RCAN2: variants seen among roughly 807,000 people sequenced by gnomAD.
RCAN2 encodes the protein regulator of calcineurin 2.
RCAN2 carries 9 observed loss-of-function variants against 23.6 expected under a neutral mutation model. The ratio of observed to expected loss-of-function variants is 0.38; its 90% CI spans 0.23 to 0.67. RCAN2 has a LOEUF of 0.67. Among genes scored for constraint, RCAN2 ranks in the 30% least tolerant of loss-of-function variants. The pLI is 0.51. For missense variants in RCAN2, 273 were observed against 302.3 expected, an observed-to-expected ratio of 0.90 and a Z score of 0.72; for synonymous variants, 109 against 115.7, an observed-to-expected ratio of 0.94 and a Z score of 0.37.
chr6:46,267,578 G>A (rs1767380464), intron 2 of RCAN2, among the ~76,000 whole-genome samples: 1 of 152,122 alleles, frequency 6.6e-6, no homozygotes, highest in African/African-American at 2.4e-5. Flanking sequence ...CCAACTACTT[G>A]GGAGCCTGAG....
chr6:46,248,922 A>G, intron 2 of RCAN2, 26 bp from the exon 3 acceptor site: 1 of 1,575,372 alleles, frequency 6.3e-7, no homozygotes, highest in East Asian at 2.3e-5. Flanking sequence ...ACAGAGGAAA[A>G]TCCATTGGCC....
chr6:46,284,053 C>T (rs1049482712), intron 2 of RCAN2, among the ~76,000 whole-genome samples: 5 of 151,824 alleles, frequency 3.3e-5, no homozygotes, highest in South Asian at 2.1e-4. Flanking sequence ...ATTATATTCT[C>T]GTAAATTTGG....
chr6:46,485,376 T>A (rs1301172051), intron 1 of RCAN2, among the ~76,000 whole-genome samples: 1 of 152,310 alleles, frequency 6.6e-6, no homozygotes, highest in Non-Finnish European at 1.5e-5. Flanking sequence ...TATAAAAATA[T>A]GCATATAAAA....
intron 1 of RCAN2, among the ~76,000 whole-genome samples, chr6:46,484,328 T>A (rs867178087): frequency 2.0e-5 from 3 of 152,198 alleles, no homozygotes; most frequent in Non-Finnish European, 2.9e-5. Context: ...TTAAGAAGAT[T>A]CCAACGGTTA....
chr6:46,240,637 T>G (rs1582019267), intron 4 of RCAN2, among the ~76,000 whole-genome samples: 1 of 152,186 alleles, frequency 6.6e-6, no homozygotes, highest in Non-Finnish European at 1.5e-5. Flanking sequence ...AATTGCTGAA[T>G]GAGAATCGAG....
At chr6:46,298,141 T>C (rs1762778671) in intron 2 of RCAN2, among the ~76,000 whole-genome samples, 1 of 152,136 alleles carries the variant, frequency 6.6e-6, no homozygotes, top group African/African-American at 2.4e-5. Flanking sequence ...AATACTGTGG[T>C]TTCTAAAATG....
intron 2 of RCAN2, among the ~76,000 whole-genome samples, chr6:46,384,446 T>C (rs1188429129): frequency 6.6e-6 from 1 of 152,246 alleles, no homozygotes; most frequent in African/African-American, 2.4e-5. Context: ...GGTGTTCATA[T>C]TCCTGCATCT....
intron 2 of RCAN2, among the ~76,000 whole-genome samples, chr6:46,343,288 T>A (rs1582124914): frequency 6.6e-6 from 1 of 152,144 alleles, no homozygotes; most frequent in Non-Finnish European, 1.5e-5. Context: ...ATTTCTATAT[T>A]CAGCAAAAGA....
At chr6:46,432,830 T>C (rs1241493706) in intron 2 of RCAN2, among the ~76,000 whole-genome samples, 1 of 152,290 alleles carries the variant, frequency 6.6e-6, no homozygotes, top group Middle Eastern at 3.4e-3. Flanking sequence ...CGTGGCACAA[T>C]GGTAGTACAT....
chr6:46,484,926 AG>A lies in RCAN2; in HGVS notation c.-3+6246del, dbSNP rs1256039166. Reference sequence around the variant, plus strand: ...TCAAGCCCTTATCTTCACCAAAAAGAGTGCTTACAAGAAGGACAGAGGTGAC... The same window carrying A: ...TCAAGCCCTTATCTTCACCAAAAAGATGCTTACAAGAAGGACAGAGGTGAC... On this transcript the variant is annotated intron_variant, in intron 1 of 4. Coordinates refer to ENST00000371374, the MANE Select transcript of RCAN2 (RefSeq NM_001251974.2). Among the ~76,000 whole-genome samples, 7 of 152,204 alleles carry A rather than the reference AG, an allele frequency of 4.6e-5. No homozygotes were observed. The East Asian group carries it at 9.6e-4, about 21-fold the overall frequency.
intron 2 of RCAN2, among the ~76,000 whole-genome samples, chr6:46,342,965 G>C (rs1234969211): frequency 1.3e-5 from 2 of 152,076 alleles, no homozygotes; most frequent in Non-Finnish European, 2.9e-5. Flanking sequence ...CTTAAAAGCA[G>C]AAGAGAGAGA....
At chr6:46,365,012 G>T (rs974549518) in intron 2 of RCAN2, among the ~76,000 whole-genome samples, 3 of 152,100 alleles carry the variant, frequency 2.0e-5, no homozygotes, top group African/African-American at 7.2e-5. Flanking sequence ...TCACCTTCAT[G>T]AAGACTTCCC....
intron 2 of RCAN2, among the ~76,000 whole-genome samples, chr6:46,343,253 G>A (rs934302753): frequency 1.3e-5 from 2 of 151,436 alleles, no homozygotes; most frequent in East Asian, 3.9e-4. Context: ...TTAAGTCAAG[G>A]AAAAAAAGAT....
chr6:46,466,364 A>G (rs917511036), intron 1 of RCAN2, among the ~76,000 whole-genome samples: 1 of 152,166 alleles, frequency 6.6e-6, no homozygotes, highest in Non-Finnish European at 1.5e-5. Flanking sequence ...CTTTGAGAAA[A>G]ATACAGCTAA....
At chr6:46,279,096 G>GTAAGAATTTTTT (rs571303298) in intron 2 of RCAN2, among the ~76,000 whole-genome samples, 2,879 of 152,244 alleles carry the variant, frequency 0.019, 85 homozygotes, top group African/African-American at 0.062. Flanking sequence ...CCTTGAATAG[G>GTAAGAATTTTTT]TACTAAATTT....
intron 2 of RCAN2, among the ~76,000 whole-genome samples, chr6:46,449,575 C>G (rs1050730055): frequency 3.8e-4 from 57 of 151,048 alleles, no homozygotes; most frequent in African/African-American, 1.3e-3. Flanking sequence ...AAAAAGCTGA[C>G]TACAAAGCTA....
At chr6:46,452,843 G>A (rs372684688) in intron 2 of RCAN2, among the ~76,000 whole-genome samples, 12 of 152,220 alleles carry the variant, frequency 7.9e-5, no homozygotes, top group Admixed American at 2.0e-4. Context: ...TGTAGATGAC[G>A]GGTTGATGGG....
At chr6:46,391,219 G>A (rs1765925308) in intron 2 of RCAN2, among the ~76,000 whole-genome samples, 1 of 152,172 alleles carries the variant, frequency 6.6e-6, no homozygotes, top group East Asian at 1.9e-4. Context: ...ATACTATGCA[G>A]CCATAAAAAA....
chr6:46,404,562 A>G (rs929382606), intron 2 of RCAN2, among the ~76,000 whole-genome samples: 2 of 152,238 alleles, frequency 1.3e-5, no homozygotes, highest in Non-Finnish European at 2.9e-5. Context: ...TAGAAATTTA[A>G]TAGAAACCAT....
Sources: gnomAD v4.1 joint callset for allele counts (sites outside exome capture counted in the v4.1 genomes callset) on GRCh38, gnomAD v4.1.1 for gene constraint, MANE v1.5 for transcripts, NCBI Gene and HGNC (gene_info 2026-07-23, HGNC 2026-07-21) for gene names.